DMD: variants seen among roughly 807,000 people sequenced by gnomAD.
DMD encodes mutant dystrophin.
In DMD, 63 loss-of-function variants were observed where a neutral mutation model predicts 330.1. The observed-to-expected ratio is 0.19, with a 90% CI of 0.16 to 0.24. The LOEUF (loss-of-function observed/expected upper bound fraction) is 0.24, where lower values mean the gene tolerates loss of function less well. DMD is among the 10% of genes least tolerant of loss of function. DMD has a pLI of 1.00. For missense variants in DMD, 3,344 were observed against 2,684.1 expected (o/e 1.25, Z -5.43); for synonymous variants, 1,223 against 959.8 (o/e 1.27, Z -5.07).
chrX:32,845,034 G>A (rs920651828), intron 3 of DMD, among the ~76,000 whole-genome samples, 174 bp from the exon 4 acceptor site: 1 of 111,892 alleles, frequency 8.9e-6, no homozygotes, highest in Non-Finnish European at 1.9e-5. Context: ...GGCCTGGTAC[G>A]TTTTTAGCAT....
At chrX:32,857,383 G>T (rs5972698) in intron 2 of DMD, among the ~76,000 whole-genome samples, 18,914 of 111,026 alleles carry the variant, frequency 0.17, 1,569 homozygotes, top group African/African-American at 0.32. Context: ...TATCTAACCT[G>T]GAATAATTTG....
chrX:32,197,855 G>A (rs1305799144), intron 44 of DMD, among the ~76,000 whole-genome samples: 2 of 110,829 alleles, frequency 1.8e-5, no homozygotes, highest in Non-Finnish European at 3.8e-5. Flanking sequence ...ACTTAAAATC[G>A]ACTCTCTTAG....
chrX:32,400,718 T>C (rs1363095563), intron 30 of DMD, among the ~76,000 whole-genome samples: 8 of 108,706 alleles, frequency 7.4e-5, no homozygotes, highest in African/African-American at 2.4e-4. Flanking sequence ...TAGGAACACT[T>C]TTACACTGTT....
At chrX:31,527,914 A>G (rs1369120138) in intron 55 of DMD, among the ~76,000 whole-genome samples, 1 of 111,714 alleles carries the variant, frequency 9.0e-6, no homozygotes, top group Non-Finnish European at 1.9e-5. Flanking sequence ...TGTCTAACGT[A>G]CCTAGAGTAG....
chrX:32,686,189 G>T (rs1266902204), intron 9 of DMD, among the ~76,000 whole-genome samples: 2 of 111,494 alleles, frequency 1.8e-5, no homozygotes, highest in Non-Finnish European at 3.8e-5. Flanking sequence ...CAATATGCAA[G>T]GATATGTGCT....
chrX:32,010,413 C>G (rs1364845288), intron 44 of DMD, among the ~76,000 whole-genome samples: 2 of 111,487 alleles, frequency 1.8e-5, no homozygotes, highest in Non-Finnish European at 3.8e-5. Context: ...TTGCCAAATG[C>G]TGCAAATCAG....
At chrX:33,245,801 T>C (rs905151471) in intron 1 of DMD, among the ~76,000 whole-genome samples, 1 of 112,317 alleles carries the variant, frequency 8.9e-6, no homozygotes, top group African/African-American at 3.2e-5. Context: ...AAACTGAACA[T>C]ATTTTTGTAA....
chrX:32,698,033 G>A, intron 8 of DMD, 35 bp from the exon 9 acceptor site: 1 of 1,168,050 alleles, frequency 8.6e-7, no homozygotes. Flanking sequence ...GGATAGAGAG[G>A]AGGGGGAAAA....
At chrX:31,344,858 T>TACACACAC (rs376996455) in intron 61 of DMD, among the ~76,000 whole-genome samples, 20 of 107,172 alleles carry the variant, frequency 1.9e-4, no homozygotes, top group African/African-American at 6.1e-4. Flanking sequence ...AGAACCTTGA[T>TACACACAC]ACACACACAC....
At chrX:31,513,444 A>G (rs1355074661) in intron 55 of DMD, among the ~76,000 whole-genome samples, 1 of 110,588 alleles carries the variant, frequency 9.0e-6, no homozygotes, top group African/African-American at 3.3e-5. Context: ...ACTACACCTC[A>G]GACTCAGGTA....
chrX:31,951,159 G>GTATATA (rs747836033), intron 45 of DMD, among the ~76,000 whole-genome samples: 7,674 of 71,444 alleles, frequency 0.11, 463 homozygotes, highest in East Asian at 0.17. Flanking sequence ...ATATATATAT[G>GTATATA]TATATATATA....
chrX:31,749,201 G>C (rs2088164960), intron 51 of DMD, among the ~76,000 whole-genome samples: 1 of 108,117 alleles, frequency 9.2e-6, no homozygotes, highest in Non-Finnish European at 1.9e-5. Context: ...GTGCAGGTTA[G>C]TTACATATGT....
intron 43 of DMD, 89 bp from the exon 44 acceptor site, chrX:32,217,152 G>T: frequency 1.1e-6 from 1 of 914,949 alleles, no homozygotes; most frequent in South Asian, 2.2e-5. Context: ...TGGTTATACT[G>T]ACAAAGATAT....
chrX:31,604,476 G>T (rs762079112), intron 55 of DMD, among the ~76,000 whole-genome samples: 2 of 111,386 alleles, frequency 1.8e-5, no homozygotes, highest in African/African-American at 3.3e-5. Context: ...TAGCAGCTAC[G>T]GTCACATTTA....
chrX:32,459,033 C>T (rs7055841), intron 25 of DMD, among the ~76,000 whole-genome samples: 1,900 of 110,432 alleles, frequency 0.017, 50 homozygotes, highest in African/African-American at 0.06. Flanking sequence ...AAATGATGCC[C>T]AAAGGATACA....
At chrX:32,772,897 A>C (rs73621825) in intron 7 of DMD, among the ~76,000 whole-genome samples, 1,470 of 111,954 alleles carry the variant, frequency 0.013, 23 homozygotes, top group African/African-American at 0.045. Context: ...AGATTTACAG[A>C]AACTCGGGCA....
intron 44 of DMD, among the ~76,000 whole-genome samples, chrX:32,149,676 G>T (rs1241275255): frequency 9.0e-6 from 1 of 111,554 alleles, no homozygotes; most frequent in Non-Finnish European, 1.9e-5. Flanking sequence ...GAAAGATTTG[G>T]CTTGGTCTTA....
intron 48 of DMD, among the ~76,000 whole-genome samples, chrX:31,861,517 G>A (rs771919806): frequency 6.5e-5 from 7 of 106,984 alleles, no homozygotes; most frequent in Non-Finnish European, 1.3e-4. Flanking sequence ...CAAACTAAAG[G>A]CTCACTAATT....
intron 47 of DMD, among the ~76,000 whole-genome samples, chrX:31,887,596 G>T (rs2094173981): frequency 9.0e-6 from 1 of 111,683 alleles, no homozygotes; most frequent in Non-Finnish European, 1.9e-5. Context: ...CATGTTTTGG[G>T]TAATAAAAGT....
Sources: gnomAD v4.1 joint callset for allele counts (sites outside exome capture counted in the v4.1 genomes callset) on GRCh38, gnomAD v4.1.1 for gene constraint, MANE v1.5 for transcripts, NCBI Gene and HGNC (gene_info 2026-07-23, HGNC 2026-07-21) for gene names.